The following WNT8A variants were observed in gnomAD, a reference collection of about 807,000 sequenced individuals.
The protein encoded by WNT8A is protein Wnt-8a.
WNT8A carries 14 observed loss-of-function variants against 20.5 expected under a neutral mutation model. The observed-to-expected ratio is 0.68, with a 90% CI of 0.45 to 1.07. WNT8A has a LOEUF of 1.07. WNT8A is among the 50% of genes least tolerant of loss of function. WNT8A has a pLI of 0.00. For synonymous variants in WNT8A, 167 were observed against 169.2 expected (o/e 0.99, Z 0.10); for missense variants, 397 against 462.9 (o/e 0.86, Z 1.31).
At chr5:138,080,839 C>A (rs1750493427), upstream of WNT8A, among the ~76,000 whole-genome samples, 1 of 152,126 alleles carries the variant, frequency 6.6e-6, no homozygotes, top group South Asian at 2.1e-4. Flanking sequence ...GATGAAGAAT[C>A]TAAGTCCAGA....
chr5:138,091,840 T>C (rs868790854), downstream of WNT8A, among the ~76,000 whole-genome samples: 6 of 47,256 alleles, frequency 1.3e-4, no homozygotes, highest in African/African-American at 1.6e-4. Flanking sequence ...AATAAATAAA[T>C]AAATAAATAA....
chr5:138,079,031 C>G (rs757617612), upstream of WNT8A, among the ~76,000 whole-genome samples: 6 of 152,152 alleles, frequency 3.9e-5, no homozygotes, highest in South Asian at 2.1e-4. Context: ...TACCTTATCT[C>G]CTGTTACTAG....
intron 2 of WNT8A, among the ~76,000 whole-genome samples, chr5:138,085,853 CAAAAA>C (rs11377173): frequency 1.3e-5 from 1 of 74,930 alleles, no homozygotes; most frequent in Non-Finnish European, 2.5e-5. Context: ...GACCTTGTCT[CAAAAA>C]AAAAAAAAAA....
chr5:138,089,080 G>T lies in WNT8A; in HGVS notation c.564+11G>T. 6.2e-7 allele frequency: 1 copy of T among 1,611,464 alleles called. No individual in the cohort carries two copies. Among genetic ancestry groups the T allele is most frequent in the Non-Finnish European group, 8.5e-7 (1 of 1,179,062 alleles). ...AGGGCCGGCAGACTGGTGGGTATAG[G>T]CATTGTGGCCAGTATTTCTACAGCT... On this transcript the variant is annotated intron_variant, in intron 4 of 4. Transcript: ENST00000506684.
chr5:138,091,640 A>G, downstream of WNT8A: 1 of 577,132 alleles, frequency 1.7e-6, no homozygotes, highest in Non-Finnish European at 2.6e-6. Context: ...AGCCTGGACA[A>G]CATAGAAAGA....
Position 138,091,288 on chromosome 5 carries a change from A to T in WNT8A, c.*215A>T. 6.4e-7 allele frequency: 1 copy of T among 1,560,856 alleles called. No homozygotes were observed. On this transcript the variant is annotated 3_prime_UTR_variant, in exon 5 of 5. Transcript: ENST00000506684. ...GGAACCTGGGCCTCCTGACTTTGGC[A>T]GACCCCCATTTCATCTTTCCTGCAA...
chr5:138,085,612 G>A (rs1750636127), intron 2 of WNT8A, among the ~76,000 whole-genome samples: 1 of 152,094 alleles, frequency 6.6e-6, no homozygotes, highest in Non-Finnish European at 1.5e-5. Context: ...ACTTTGGAAG[G>A]CTAAGGCAGG....
At chr5:138,085,400 C>T (rs553640013) in intron 2 of WNT8A, among the ~76,000 whole-genome samples, 11 of 152,134 alleles carry the variant, frequency 7.2e-5, no homozygotes, top group African/African-American at 1.7e-4. Context: ...AAAGCTGAGA[C>T]GTCACATTGA....
upstream of WNT8A, among the ~76,000 whole-genome samples, chr5:138,081,725 A>G (rs926372211): frequency 1.3e-5 from 2 of 152,152 alleles, no homozygotes; most frequent in African/African-American, 4.8e-5. Flanking sequence ...GCTTTAGTCC[A>G]TTAGGACTTT....
chr5:138,084,182 C>T lies in WNT8A; in HGVS notation c.55C>T (p.Pro19Ser), dbSNP rs767263984. 1.1e-5 allele frequency: 17 copies of T among 1,614,116 alleles called. No homozygotes were observed. In the South Asian group the frequency reaches 1.9e-4, roughly 18 times the overall value. Reference sequence around the variant, plus strand: ...GGTAAGTCCTTTCCCAACCCTCACTCCTTGCCAAGGAGGCCCCCATTGTCT... The same window carrying T: ...GGTAAGTCCTTTCCCAACCCTCACTTCTTGCCAAGGAGGCCCCCATTGTCT... ...CLVSPFPTLT[P>S]CQGGPHCLIP... Residue 19 changes from proline to serine, a missense_variant, in exon 1 of 5, where the codon CCT becomes TCT. Coordinates refer to ENST00000506684, the MANE Select transcript of WNT8A (RefSeq NM_001300939.2).
chr5:138,090,494 C>T lies in WNT8A; in HGVS notation c.565-34C>T, dbSNP rs746501621. ...TCACTAACCTTTGGTCTTCCCTACT[C>T]AGAGCCATTCTCTTTTGTGTTCTCT... is the stretch of plus-strand genomic sequence containing the variant. On this transcript the variant is annotated intron_variant, in intron 4 of 4. Transcript: ENST00000506684. 2.7e-5 allele frequency: 43 copies of T among 1,594,128 alleles called. 1 individual carries two copies. The Middle Eastern group carries it at 5.2e-4, about 19-fold the overall frequency.
the WNT8A span, among the ~76,000 whole-genome samples, chr5:138,078,195 G>A: frequency 2.5e-4 from 38 of 152,080 alleles, no homozygotes; most frequent in African/African-American, 8.9e-4. Context: ...TCCTCAGGGG[G>A]TGAGAAGCTT....
At position 138,089,550 on chromosome 5, in the gene WNT8A, T is replaced by C. The variant is rs371601283; in HGVS notation, c.564+481T>C. Among the ~76,000 whole-genome samples the C allele has an allele frequency of 8.5e-5, 13 of 152,256 alleles. No homozygotes were observed. In the East Asian group the frequency reaches 2.5e-3, roughly 29 times the overall value. On this transcript the variant is annotated intron_variant, in intron 4 of 4. Transcript: ENST00000506684. Reference sequence around the variant, plus strand: ...TAGTGGGGTGGCAGTCTCTGGAGTATTCTGAACACAAATCTGGAAACAAGT... The same window carrying C: ...TAGTGGGGTGGCAGTCTCTGGAGTACTCTGAACACAAATCTGGAAACAAGT...
chr5:138,091,630 A>G, downstream of WNT8A: 1 of 655,710 alleles, frequency 1.5e-6, no homozygotes, highest in Non-Finnish European at 2.2e-6. Flanking sequence ...CTCTTCCTCC[A>G]GCCTGGACAA....
intron 2 of WNT8A, among the ~76,000 whole-genome samples, chr5:138,084,964 T>TCTCA: frequency 1.3e-5 from 2 of 151,810 alleles, no homozygotes; most frequent in African/African-American, 4.8e-5. Context: ...TGAGACGGAG[T>TCTCA]CTCACTCTGT....
At position 138,090,877 on chromosome 5, in the gene WNT8A, G is replaced by A. The variant is rs11747519; in HGVS notation, c.914G>A (p.Arg305Gln). The part of the protein sequence containing the change: ...QNSHNTSRWE[R>Q]RSCGRLCTEC... ...AGCCACAACACATCCAGGTGGGAGC[G>A]ACGTAGCTGTGGGCGCCTGTGCACT... Residue 305 changes from arginine (R) to glutamine (Q), a missense_variant, in exon 5 of 5, where the codon CGA becomes CAA. By Grantham distance (43) the Arg-to-Gln change is conservative. Transcript: ENST00000506684. The A allele has an allele frequency of 7.4e-6, 12 of 1,614,100 alleles. No homozygotes were observed. Among genetic ancestry groups the A allele is most frequent in the African/African-American group, 2.7e-5 (2 of 74,944 alleles).
intron 3 of WNT8A, among the ~76,000 whole-genome samples, chr5:138,088,407 A>G (rs1750739642): frequency 6.9e-6 from 1 of 145,568 alleles, no homozygotes; most frequent in South Asian, 2.2e-4. Context: ...ACTAGGCTGG[A>G]GTGCAGTGGC....
rs1202961851 is a variant in WNT8A at position 138,084,583 on chromosome 5, G to A, written c.242G>A (p.Trp81Ter). ...ECKFQFAWER[W>*]NCPENALQLS... is the part of the protein sequence containing the mutation. The stretch of plus-strand genomic sequence containing the variant: ...AAGTTCCAGTTTGCTTGGGAACGCT[G>A]GAACTGCCCTGAAAATGCTCTTCAG... The change falls in exon 2 of 5, where the codon TGG (tryptophan) becomes TAG (stop). Residue 81 changes from tryptophan (W) to a stop codon, truncating the protein, a stop_gained. Transcript: ENST00000506684. LOFTEE classifies it high-confidence loss of function. The A allele has an allele frequency of 2.5e-6, 4 of 1,613,696 alleles. No homozygotes were observed. The East Asian group carries it at 8.9e-5, about 36-fold the overall frequency.
chr5:138,088,077 G>A (rs1469745243), intron 3 of WNT8A, 146 bp downstream of exon 3: 1 of 1,261,410 alleles, frequency 7.9e-7, no homozygotes, highest in East Asian at 2.5e-5. Context: ...GGATCTCCTA[G>A]CCTTACACTC....
Sources: gnomAD v4.1 joint callset for allele counts (sites outside exome capture counted in the v4.1 genomes callset) on GRCh38, gnomAD v4.1.1 for gene constraint, MANE v1.5 for transcripts, NCBI Gene and HGNC (gene_info 2026-07-23, HGNC 2026-07-21) for gene names.